The following PIEZO2 variants were observed in gnomAD, a reference collection of about 807,000 sequenced individuals.
PIEZO2 encodes the protein piezo type mechanosensitive ion channel component 2, also known as piezo-type mechanosensitive ion channel component 2.
In PIEZO2, 172 loss-of-function variants were observed where a neutral mutation model predicts 337.3. The observed-to-expected ratio is 0.51, with a 90% CI of 0.45 to 0.58. The LOEUF (loss-of-function observed/expected upper bound fraction) is 0.58, where lower values mean the gene tolerates loss of function less well. Among genes scored for constraint, PIEZO2 ranks in the 20% least tolerant of loss-of-function variants. The probability of loss-of-function intolerance (pLI) is 0.00; values close to 1 mark genes in which losing one functional copy is unlikely to be tolerated. For missense variants in PIEZO2, 3,028 were observed against 3,391.3 expected (o/e 0.89, Z 2.66); for synonymous variants, 1,251 against 1,228.5 (o/e 1.02, Z -0.38).
Position 11,036,013 on chromosome 18 carries a change from T to C in PIEZO2, c.160+30114A>G, listed in dbSNP as rs141727215. Among the ~76,000 whole-genome samples the C allele has an allele frequency of 3.1e-4, 47 of 152,282 alleles. No individual in the cohort carries two copies. The East Asian group carries it at 8.5e-3, about 28-fold the overall frequency. ...ACACCTTGGAGTCACCTGGGATCTG[T>C]CAATACAAGCAAGGCCTCTGTCCCT... On this transcript the variant is annotated intron_variant, in intron 2 of 55. Transcript: ENST00000674853.
intron 4 of PIEZO2, among the ~76,000 whole-genome samples, chr18:10,890,913 AT>A (rs999293838): frequency 6.6e-6 from 1 of 152,284 alleles, no homozygotes; most frequent in Non-Finnish European, 1.5e-5. Context: ...CCAGTACTTT[AT>A]TTTTTCTGTA....
chr18:10,721,680 A>G (rs1210460342), intron 36 of PIEZO2, among the ~76,000 whole-genome samples: 2 of 152,216 alleles, frequency 1.3e-5, no homozygotes, highest in African/African-American at 2.4e-5. Context: ...AAGCGAGACA[A>G]TACAAGGGAA....
At chr18:11,018,504 T>C (rs2036202350) in intron 2 of PIEZO2, among the ~76,000 whole-genome samples, 1 of 151,272 alleles carries the variant, frequency 6.6e-6, no homozygotes. Context: ...GCAGGAAGAT[T>C]AATCAGAGTT....
chr18:10,705,186 G>A (rs990165634), intron 41 of PIEZO2, 150 bp downstream of exon 41: 3 of 1,029,660 alleles, frequency 2.9e-6, no homozygotes, highest in African/African-American at 3.2e-5. Flanking sequence ...CTTTGTACTT[G>A]CAGTGCAAGA....
rs2036602310 is a variant in PIEZO2, at chr18:11,028,195, C to G, written c.160+37932G>C. On this transcript the variant is annotated intron_variant, in intron 2 of 55. Coordinates refer to ENST00000674853, the MANE Select transcript of PIEZO2 (RefSeq NM_001378183.1). This position sits in a 1 kb window ranked among gnomAD's most constrained non-coding sequence, Gnocchi z 4.8. ...CCAGTACCAAATGCAAGTAAGGAAGCTAGGCTTTTCTGTACATCGCCTTCT... is the reference window on the plus strand; with the variant it reads ...CCAGTACCAAATGCAAGTAAGGAAGGTAGGCTTTTCTGTACATCGCCTTCT... Among the ~76,000 whole-genome samples the G allele has an allele frequency of 6.6e-6, 1 of 152,170 alleles. No individual in the cohort carries two copies. The highest frequency in any genetic ancestry group is 1.5e-5 in the Non-Finnish European group (1 of 68,016).
At chr18:11,133,734 C>T (rs564423501) in intron 1 of PIEZO2, among the ~76,000 whole-genome samples, 84 of 151,970 alleles carry the variant, frequency 5.5e-4, no homozygotes, top group Admixed American at 1.2e-3. Context: ...CCTCAGCTTG[C>T]GGACAGTCTA....
rs1432026014 is a variant in PIEZO2, at chr18:10,940,671, A to ACTT, written c.287-29444_287-29443insAAG. 6.6e-6 allele frequency among the ~76,000 whole-genome samples: 1 copy of ACTT among 152,156 alleles called. No individual in the cohort carries two copies. The highest frequency in any genetic ancestry group is 2.4e-5 in the African/African-American group (1 of 41,440). On this transcript the variant is annotated intron_variant, in intron 3 of 55. Transcript: ENST00000674853. The surrounding 1 kb of genome is among the most constrained non-coding windows in gnomAD (Gnocchi z 5.3). ...AAGGCCAAGTGATTGAGACCATCCT[A>ACTT]GCCAACATGGTGAAACCCTATCTCT...
In PIEZO2 at chr18:11,148,526, T is replaced by C; in HGVS notation, c.63A>G (p.Val21=). ...CCTCGGAAAGCGGACCAGACTCACC[T>C]ACTGCCAGGCAGATGGGCAGCAGCA... ...FRLLLPICLA[V]ACAFRYNGLS... is the part of the protein sequence containing the mutation. The change falls in exon 1 of 56, where the codon GTA becomes GTG. Residue 21 remains valine, a splice_region_variant and synonymous_variant. Transcript: ENST00000674853. The surrounding 1 kb of genome is among the most constrained non-coding windows in gnomAD (Gnocchi z 5.2). 1 of 1,537,172 alleles carries C rather than the reference T, an allele frequency of 6.5e-7. No individual in the cohort carries two copies. The highest frequency in any genetic ancestry group is 8.7e-7 in the Non-Finnish European group (1 of 1,146,868).
chr18:10,928,410 C>T lies in PIEZO2; in HGVS notation c.287-17182G>A, dbSNP rs73943073. On this transcript the variant is annotated intron_variant, in intron 3 of 55. Coordinates refer to ENST00000674853, the MANE Select transcript of PIEZO2 (RefSeq NM_001378183.1). ...CCAGCTTAGGACTCTCACTGACAGG[C>T]ACGCTTGATTTGTTTTATTTTTGTG... Among the ~76,000 whole-genome samples the T allele has an allele frequency of 1.9e-3, 285 of 152,354 alleles. 1 individual carries two copies. Among genetic ancestry groups the T allele is most frequent in the African/African-American group, 6.2e-3 (259 of 41,580 alleles).
At chr18:10,909,352 C>T (rs554742901) in intron 4 of PIEZO2, among the ~76,000 whole-genome samples, 2 of 152,006 alleles carry the variant, frequency 1.3e-5, no homozygotes, top group Non-Finnish European at 2.9e-5. Flanking sequence ...GGCTGGGGGG[C>T]ACTGATCTAA....
At chr18:10,947,159 A>C (rs1332390830) in intron 3 of PIEZO2, among the ~76,000 whole-genome samples, 1 of 152,194 alleles carries the variant, frequency 6.6e-6, no homozygotes, top group Non-Finnish European at 1.5e-5. Context: ...AAGGGAAAAA[A>C]ATCTGTAGAA....
At chr18:10,816,051 G>A (rs1378176062) in intron 7 of PIEZO2, among the ~76,000 whole-genome samples, 4 of 152,170 alleles carry the variant, frequency 2.6e-5, no homozygotes, top group Admixed American at 2.0e-4. Context: ...ATCCCACTAG[G>A]CAGGAGCTGG....
chr18:11,148,562 G>A lies in PIEZO2; in HGVS notation c.27C>T (p.Leu9=), dbSNP rs2040868368. The change falls in exon 1 of 56, where the codon CTC becomes CTT. Residue 9 remains leucine (L), a synonymous_variant. Coordinates refer to ENST00000674853, the MANE Select transcript of PIEZO2 (RefSeq NM_001378183.1). This position sits in a 1 kb window ranked among gnomAD's most constrained non-coding sequence, Gnocchi z 5.2. MASEVVCG[L]IFRLLLPICL... ...AGATGGGCAGCAGCAGCCTGAAGAT[G>A]AGCCCGCACACCACTTCTGAGGCCA... is the stretch of plus-strand genomic sequence containing the variant. 6.5e-7 allele frequency: 1 copy of A among 1,537,070 alleles called. No homozygotes were observed. Among genetic ancestry groups the A allele is most frequent in the Admixed American group, 2.0e-5 (1 of 50,982 alleles).
chr18:11,118,013 T>G (rs1371312686), intron 1 of PIEZO2, among the ~76,000 whole-genome samples: 1 of 152,234 alleles, frequency 6.6e-6, no homozygotes, highest in East Asian at 1.9e-4. Context: ...GGCTAAAAGT[T>G]TATGTTGTCA....
intron 2 of PIEZO2, among the ~76,000 whole-genome samples, chr18:10,997,444 T>C (rs1351523368): frequency 1.3e-5 from 2 of 152,146 alleles, no homozygotes; most frequent in Non-Finnish European, 2.9e-5. Context: ...ACCCTGTAAT[T>C]ACACAACTGT....
chr18:10,703,867 C>A (rs9789108), intron 42 of PIEZO2, among the ~76,000 whole-genome samples: 10,429 of 152,106 alleles, frequency 0.069, 606 homozygotes, highest in East Asian at 0.23. Flanking sequence ...TGTGTTGCGA[C>A]GTATGGAACT....
intron 1 of PIEZO2, among the ~76,000 whole-genome samples, chr18:11,072,540 T>C (rs953945715): frequency 2.6e-5 from 4 of 152,210 alleles, no homozygotes; most frequent in African/African-American, 9.7e-5. Context: ...ATGTAACTAT[T>C]CATTTATGTT....
intron 31 of PIEZO2, among the ~76,000 whole-genome samples, chr18:10,743,256 A>G (rs2037295419): frequency 1.3e-5 from 2 of 152,132 alleles, no homozygotes; most frequent in South Asian, 4.1e-4. Flanking sequence ...TCTGCTTGGG[A>G]AAAAAAGCTG....
At position 10,977,536 on chromosome 18, in the gene PIEZO2, C is replaced by A. The variant is rs373605973; in HGVS notation, c.286+1999G>T. 7.7e-4 allele frequency among the ~76,000 whole-genome samples: 117 copies of A among 152,160 alleles called. 1 individual carries two copies. Among genetic ancestry groups the A allele is most frequent in the African/African-American group, 2.7e-3 (114 of 41,534 alleles). On this transcript the variant is annotated intron_variant, in intron 3 of 55. Coordinates refer to ENST00000674853, the MANE Select transcript of PIEZO2 (RefSeq NM_001378183.1). Reference sequence around the variant, plus strand: ...TCATATAAGATAATACTACTACTAACATTATTGTTGCTAACATTTCTATTA... The same window carrying A: ...TCATATAAGATAATACTACTACTAAAATTATTGTTGCTAACATTTCTATTA...
Sources: allele counts gnomAD v4.1 joint callset (sites outside exome capture counted in the v4.1 genomes callset), GRCh38; gene constraint gnomAD v4.1.1; non-coding constraint Gnocchi (gnomAD v3.1); transcripts MANE v1.5; gene names NCBI Gene and HGNC (gene_info 2026-07-23, HGNC 2026-07-21).